ALK: variants seen among roughly 807,000 people sequenced by gnomAD.
The protein encoded by ALK is ALK receptor tyrosine kinase, also known as ALK tyrosine kinase receptor.
A neutral mutation model predicts 163.1 loss-of-function variants in ALK; 74 were observed. The ratio of observed to expected loss-of-function variants is 0.45; its 90% confidence interval spans 0.38 to 0.55. ALK has a LOEUF of 0.55. ALK is among the 20% of genes least tolerant of loss of function. The pLI, the probability that ALK is intolerant of heterozygous loss-of-function variation, is 0.00. For missense variants in ALK, 2,063 were observed against 2,105.3 expected (o/e 0.98, Z 0.39); for synonymous variants, 960 against 843.2 (o/e 1.14, Z -2.40).
intron 3 of ALK, among the ~76,000 whole-genome samples, chr2:29,596,789 G>C (rs1675227143): frequency 6.6e-6 from 1 of 152,174 alleles, no homozygotes; most frequent in African/African-American, 2.4e-5. Flanking sequence ...GCAGGCCAGG[G>C]CACGTCCCTA....
chr2:29,234,022 A>G lies in ALK; in HGVS notation c.2356-326T>C, dbSNP rs1051136328. On this transcript the variant is annotated intron_variant, in intron 13 of 28. Transcript: ENST00000389048. ...TTTTTTGTTTGTTTTTGTTTTTTTC[A>G]CAGAGAGTGGGGCAAAGTTATGTCA... 2.6e-5 allele frequency among the ~76,000 whole-genome samples: 4 copies of G among 151,946 alleles called. No homozygotes were observed. The East Asian group carries it at 7.7e-4, about 29-fold the overall frequency.
intron 3 of ALK, among the ~76,000 whole-genome samples, chr2:29,597,874 C>G (rs910545245): frequency 6.6e-6 from 1 of 152,142 alleles, no homozygotes; most frequent in South Asian, 2.1e-4. Context: ...CAGAGGGGTA[C>G]AGAGGAGAGG....
intron 2 of ALK, among the ~76,000 whole-genome samples, chr2:29,697,100 G>C (rs896477306): frequency 2.0e-5 from 3 of 151,894 alleles, no homozygotes; most frequent in African/African-American, 4.8e-5. Flanking sequence ...TAATAAAAAA[G>C]TACTGCCTAT....
At chr2:29,814,241 C>G (rs1016937679) in intron 1 of ALK, among the ~76,000 whole-genome samples, 23 of 152,188 alleles carry the variant, frequency 1.5e-4, no homozygotes, top group African/African-American at 5.5e-4. Context: ...TTATGCTGCA[C>G]TGTAAGTGGT....
At position 29,580,119 on chromosome 2, in the gene ALK, G is replaced by A. The variant is rs183039110; in HGVS notation, c.953-48003C>T. On this transcript the variant is annotated intron_variant, in intron 3 of 28. Coordinates refer to ENST00000389048, the MANE Select transcript of ALK (RefSeq NM_004304.5). ...TGCCAGGGATTTTTGCTACTGTGTC[G>A]GTTTTATGCATATGTCCACATGATT... is the stretch of plus-strand genomic sequence containing the variant. 4.5e-3 allele frequency among the ~76,000 whole-genome samples: 681 copies of A among 152,084 alleles called. 7 individuals carry two copies. The highest frequency in any genetic ancestry group is 0.016 in the African/African-American group (658 of 41,472).
chr2:29,455,112 A>G (rs913736723), intron 4 of ALK, among the ~76,000 whole-genome samples: 1 of 152,088 alleles, frequency 6.6e-6, no homozygotes, highest in Non-Finnish European at 1.5e-5. Flanking sequence ...TTTCATGTCT[A>G]TTTCATAATA....
intron 1 of ALK, among the ~76,000 whole-genome samples, chr2:29,830,596 T>C (rs931299610): frequency 6.6e-6 from 1 of 151,358 alleles, no homozygotes; most frequent in African/African-American, 2.4e-5. Context: ...ACATTGGGCA[T>C]GGTGGCTCGT....
chr2:29,910,447 T>A (rs72798441), intron 1 of ALK, among the ~76,000 whole-genome samples: 7,704 of 152,178 alleles, frequency 0.051, 360 homozygotes, highest in East Asian at 0.17. Context: ...ACAATTTTTT[T>A]AAAAATTTCC....
intron 1 of ALK, among the ~76,000 whole-genome samples, chr2:29,852,263 C>T (rs192351627): frequency 2.0e-5 from 3 of 152,218 alleles, no homozygotes; most frequent in African/African-American, 7.2e-5. Flanking sequence ...GGCAGCCTTC[C>T]CCCAGGTGAC....
intron 3 of ALK, among the ~76,000 whole-genome samples, chr2:29,633,350 A>G (rs1676435026): frequency 6.6e-6 from 1 of 152,192 alleles, no homozygotes; most frequent in South Asian, 2.1e-4. Flanking sequence ...TAGATCCCAA[A>G]GGAAGTCTCA....
chr2:29,838,111 C>T (rs552606191), intron 1 of ALK, among the ~76,000 whole-genome samples: 8 of 152,080 alleles, frequency 5.3e-5, no homozygotes, highest in East Asian at 1.9e-4. Flanking sequence ...CAACAGAGGA[C>T]ACTGCAGAAG....
chr2:29,623,782 T>C (rs952640072), intron 3 of ALK, among the ~76,000 whole-genome samples: 5 of 152,248 alleles, frequency 3.3e-5, no homozygotes, highest in African/African-American at 4.8e-5. Context: ...TTAGTCTATA[T>C]TTCAACATTT....
At position 29,582,996 on chromosome 2, in the gene ALK, G is replaced by A. The variant is rs1213415070; in HGVS notation, c.953-50880C>T. ...GCCTGCCTCAGCCTCCCAAGTAGCT[G>A]GGACTACAGGCATGTGCCACCATGC... On this transcript the variant is annotated intron_variant, in intron 3 of 28. Transcript: ENST00000389048. Among the ~76,000 whole-genome samples the A allele has an allele frequency of 2.0e-5, 3 of 151,440 alleles. No individual in the cohort carries two copies. The East Asian group carries it at 5.8e-4, about 29-fold the overall frequency.
At chr2:29,568,829 GGT>G (rs1366833669) in intron 3 of ALK, among the ~76,000 whole-genome samples, 1 of 152,194 alleles carries the variant, frequency 6.6e-6, no homozygotes, top group African/African-American at 2.4e-5. Context: ...AGTGGGACTA[GGT>G]GGAAAAACAA....
In ALK at chr2:29,357,273, T is replaced by C. The variant is rs1573276368; in HGVS notation, c.1282+26459A>G. On this transcript the variant is annotated intron_variant, in intron 5 of 28. Coordinates refer to ENST00000389048, the MANE Select transcript of ALK (RefSeq NM_004304.5). ...TTAGTGGTGACAATGCAGACACTAG[T>C]TAGTTCTTTGCCCTCATCTCCTCCT... 3.3e-5 allele frequency among the ~76,000 whole-genome samples: 5 copies of C among 152,242 alleles called. No individual in the cohort carries two copies. In the South Asian group the frequency reaches 1.0e-3, roughly 32 times the overall value.
chr2:29,333,407 C>T (rs150086869), intron 5 of ALK, among the ~76,000 whole-genome samples: 1 of 152,276 alleles, frequency 6.6e-6, no homozygotes, highest in Non-Finnish European at 1.5e-5. Context: ...TGCCCAGCCT[C>T]GAGGTTGAAT....
At chr2:29,856,072 G>A (rs1666131016) in intron 1 of ALK, among the ~76,000 whole-genome samples, 1 of 152,142 alleles carries the variant, frequency 6.6e-6, no homozygotes, top group Non-Finnish European at 1.5e-5. Context: ...AGAAAGATGT[G>A]AGGTGACTGC....
At chr2:29,730,191 C>T (rs766951495) in intron 1 of ALK, among the ~76,000 whole-genome samples, 25 of 152,024 alleles carry the variant, frequency 1.6e-4, no homozygotes, top group African/African-American at 4.3e-4. Flanking sequence ...GGCAGGCCTA[C>T]GGGGATTTGG....
intron 4 of ALK, among the ~76,000 whole-genome samples, chr2:29,403,156 G>A (rs1170512741): frequency 6.6e-6 from 1 of 152,174 alleles, no homozygotes; most frequent in African/African-American, 2.4e-5. Flanking sequence ...GTACCTAGAA[G>A]GTGGTAAGTG....
Sources: allele counts gnomAD v4.1 joint callset (sites outside exome capture counted in the v4.1 genomes callset), GRCh38; gene constraint gnomAD v4.1.1; transcripts MANE v1.5; gene names NCBI Gene and HGNC (gene_info 2026-07-23, HGNC 2026-07-21).